The following PALS2 variants were observed in gnomAD, a reference collection of about 807,000 sequenced individuals.
The protein encoded by PALS2 is protein associated with LIN7 2, MAGUK p55 family member.
Under a neutral mutation model 61.6 loss-of-function variants are expected in PALS2, and 27 were observed. That is an observed-to-expected ratio of 0.44 (90% CI 0.32 to 0.60). PALS2 has a LOEUF of 0.60. Among genes scored for constraint, PALS2 ranks in the 20% least tolerant of loss-of-function variants. The pLI, the probability that PALS2 is intolerant of heterozygous loss-of-function variation, is 0.05. For synonymous variants in PALS2, 236 were observed against 218.6 expected, an observed-to-expected ratio of 1.08 and a Z score of -0.70; for missense variants, 554 against 639.4, an observed-to-expected ratio of 0.87 and a Z score of 1.44.
rs1374436881 is a variant in PALS2, at chr7:24,691,761, A to G, written c.*4147A>G. On this transcript the variant is annotated 3_prime_UTR_variant, in exon 12 of 12. Transcript: ENST00000222644. ...TTAAACTTTTGAATGAATCTTTAAT[A>G]TGATTCAGGCTGAGATTATGATACC... The G allele has an allele frequency of 6.6e-6, 1 of 152,064 alleles. No individual in the cohort carries two copies. Among genetic ancestry groups the G allele is most frequent in the African/African-American group, 2.4e-5 (1 of 41,444 alleles). 9.4% of individuals were successfully genotyped at this position (152,064 alleles called of 1,614,324 possible). A position where few individuals can be genotyped will look rare whatever the true frequency, so the allele number is the denominator to read the frequency against.
chr7:24,624,316 A>G (rs913492854), intron 2 of PALS2, among the ~76,000 whole-genome samples: 1 of 152,172 alleles, frequency 6.6e-6, no homozygotes, highest in African/African-American at 2.4e-5. Context: ...TAATTATTAT[A>G]TGCTAAAGCT....
chr7:24,678,073 A>G (rs1787717261), intron 9 of PALS2, among the ~76,000 whole-genome samples: 1 of 152,214 alleles, frequency 6.6e-6, no homozygotes, highest in African/African-American at 2.4e-5. Flanking sequence ...TAGAAACAGG[A>G]TACTTCTTAT....
At chr7:24,650,090 AAG>A (rs1786062350) in intron 4 of PALS2, among the ~76,000 whole-genome samples, 1 of 152,090 alleles carries the variant, frequency 6.6e-6, no homozygotes, top group South Asian at 2.1e-4. Flanking sequence ...AAAATATAAA[AAG>A]AAGTTGTTAT....
Position 24,665,638 on chromosome 7 carries a change from C to A in PALS2, c.834C>A (p.Phe278Leu), listed in dbSNP as rs1786976335. The A allele has an allele frequency of 1.2e-6, 2 of 1,613,592 alleles. No individual in the cohort carries two copies. Among genetic ancestry groups the A allele is most frequent in the Middle Eastern group, 1.6e-4 (1 of 6,076 alleles). The change falls in exon 7 of 12, where the codon TTC becomes TTA. Residue 278 changes from phenylalanine (F) to leucine (L), a missense_variant. Coordinates refer to ENST00000222644, the MANE Select transcript of PALS2 (RefSeq NM_001303037.2). ...GGSAGLIPSQFLEEKRKAFVR... is the reference protein window; with the variant it reads ...GGSAGLIPSQLLEEKRKAFVR... Reference sequence around the variant, plus strand: ...GCGCTGGTCTCATTCCAAGCCAGTTCCTGGAAGAGAAGAGAAAGGCATTTG... The same window carrying A: ...GCGCTGGTCTCATTCCAAGCCAGTTACTGGAAGAGAAGAGAAAGGCATTTG...
At chr7:24,617,606 T>C (rs1197590407) in intron 1 of PALS2, among the ~76,000 whole-genome samples, 1 of 152,128 alleles carries the variant, frequency 6.6e-6, no homozygotes, top group Admixed American at 6.5e-5. Context: ...GTAGTCTCTT[T>C]GCAGATTCTT....
At chr7:24,654,088 G>C (rs565879285) in intron 5 of PALS2, among the ~76,000 whole-genome samples, 34 of 152,104 alleles carry the variant, frequency 2.2e-4, no homozygotes, top group African/African-American at 7.7e-4. Flanking sequence ...ATGATAAAAT[G>C]TAAGTCTATA....
intron 5 of PALS2, among the ~76,000 whole-genome samples, chr7:24,662,811 C>T (rs115137813): frequency 0.048 from 6,023 of 126,062 alleles, 321 homozygotes; most frequent in African/African-American, 0.078. Flanking sequence ...GAAAGAAAGA[C>T]AGCAATTGGT....
rs1784171182 is a variant in PALS2, at chr7:24,613,106, A to G, written c.-2-10560A>G. 4.0e-5 allele frequency among the ~76,000 whole-genome samples: 6 copies of G among 151,596 alleles called. No homozygotes were observed. In the South Asian group the frequency reaches 1.2e-3, roughly 31 times the overall value. On this transcript the variant is annotated intron_variant, in intron 1 of 11. Transcript: ENST00000222644. ...TATTAAATTACATTATAATTTTTTA[A>G]CTAAGTTTTGAAGTCTATGTAGAAA...
In PALS2 at chr7:24,661,854, T is replaced by C. The variant is rs567545954; in HGVS notation, c.652-1736T>C. On this transcript the variant is annotated intron_variant, in intron 5 of 11. Transcript: ENST00000222644. ...ATATATTTTTAGAGTTTCATCAATA[T>C]GGAGAGGCATCCAGCACACATCCCA... Among the ~76,000 whole-genome samples, 149 of 152,348 alleles carry C rather than the reference T, an allele frequency of 9.8e-4. No homozygotes were observed. The Middle Eastern group carries it at 0.01, about 10-fold the overall frequency.
chr7:24,639,961 C>T lies in PALS2; in HGVS notation c.118-1755C>T, dbSNP rs528953731. Among the ~76,000 whole-genome samples the T allele has an allele frequency of 3.3e-5, 5 of 151,774 alleles. No individual in the cohort carries two copies. The South Asian group carries it at 6.2e-4, about 19-fold the overall frequency. The stretch of plus-strand genomic sequence containing the variant: ...CCTTCTGGGTAACTGGGATTACAGG[C>T]GTCCACCACCATGCCTGCCTAATTT... On this transcript the variant is annotated intron_variant, in intron 2 of 11. Transcript: ENST00000222644.
At chr7:24,660,433 T>A (rs75788222) in intron 5 of PALS2, among the ~76,000 whole-genome samples, 10,516 of 152,204 alleles carry the variant, frequency 0.069, 449 homozygotes, top group African/African-American at 0.11. Context: ...TCACCTCCTT[T>A]TTCATAGAAA....
chr7:24,608,037 A>G (rs905771295), intron 1 of PALS2, among the ~76,000 whole-genome samples: 10 of 152,158 alleles, frequency 6.6e-5, no homozygotes, highest in African/African-American at 2.4e-4. Context: ...TACCACATAC[A>G]TGTGTGTTTA....
intron 2 of PALS2, among the ~76,000 whole-genome samples, chr7:24,630,328 C>T (rs1008695681): frequency 6.6e-6 from 1 of 151,748 alleles, no homozygotes; most frequent in Admixed American, 6.6e-5. Flanking sequence ...CGATCCCTGT[C>T]GGGGGTTTGG....
chr7:24,610,506 C>G (rs1784076229), intron 1 of PALS2, among the ~76,000 whole-genome samples: 1 of 152,190 alleles, frequency 6.6e-6, no homozygotes, highest in African/African-American at 2.4e-5. Flanking sequence ...CAAAGTCCTA[C>G]TTTTCTTTGA....
intron 2 of PALS2, among the ~76,000 whole-genome samples, chr7:24,636,663 A>T (rs879868790): frequency 3.3e-5 from 5 of 152,216 alleles, no homozygotes; most frequent in Non-Finnish European, 5.9e-5. Context: ...AATATGTATC[A>T]ATTAGAAATA....
At chr7:24,611,977 A>G (rs1450440809) in intron 1 of PALS2, among the ~76,000 whole-genome samples, 1 of 152,012 alleles carries the variant, frequency 6.6e-6, no homozygotes, top group Non-Finnish European at 1.5e-5. Context: ...TTAGGGGGTG[A>G]TGGAAAGAAA....
intron 7 of PALS2, 25 bp downstream of exon 7, chr7:24,665,712 A>G (rs764433937): frequency 1.9e-6 from 3 of 1,588,880 alleles, no homozygotes; most frequent in Non-Finnish European, 2.6e-6. Context: ...ACAATAAGTA[A>G]CAAGCAGTCC....
Position 24,649,693 on chromosome 7 carries a change from A to G in PALS2, c.352A>G (p.Ile118Val), listed in dbSNP as rs142938712. 353 of 1,612,124 alleles carry G rather than the reference A, an allele frequency of 2.2e-4. No individual in the cohort carries two copies. The African/African-American group carries it at 4.2e-3, about 19-fold the overall frequency. Residue 118 changes from isoleucine (I) to valine (V), a missense_variant, in exon 4 of 12, where the codon ATC becomes GTC. Physicochemically the swap from Ile to Val is conservative, Grantham distance 29. Coordinates refer to ENST00000222644, the MANE Select transcript of PALS2 (RefSeq NM_001303037.2). ...PSSPEMNNSS[I>V]NNQLLPVDAI... Reference sequence around the variant, plus strand: ...AAGCCCAGAAATGAATAATTCTTCTATCAATAATCAGTTATTACCAGTAGA... The same window carrying G: ...AAGCCCAGAAATGAATAATTCTTCTGTCAATAATCAGTTATTACCAGTAGA...
In PALS2 at chr7:24,641,848, C is replaced by T; in HGVS notation, c.250C>T (p.Leu84Phe). 1 of 1,612,456 alleles carries T rather than the reference C, an allele frequency of 6.2e-7. No individual in the cohort carries two copies. The highest frequency in any genetic ancestry group is 8.5e-7 in the Non-Finnish European group (1 of 1,179,540). Residue 84 changes from leucine to phenylalanine, a missense_variant, in exon 3 of 12, where the codon CTC becomes TTC. Leu to Phe is a conservative substitution (Grantham distance 22). Transcript: ENST00000222644. ...DENVAELVGILKEPHFQSLLE... is the reference protein window; with the variant it reads ...DENVAELVGIFKEPHFQSLLE... ...AAATGTGGCAGAATTGGTTGGTATACTCAAAGAACCTCACTTCCAGGTAAC... is the reference window on the plus strand; with the variant it reads ...AAATGTGGCAGAATTGGTTGGTATATTCAAAGAACCTCACTTCCAGGTAAC...
Sources: allele counts gnomAD v4.1 joint callset (sites outside exome capture counted in the v4.1 genomes callset), GRCh38; gene constraint gnomAD v4.1.1; transcripts MANE v1.5; gene names NCBI Gene and HGNC (gene_info 2026-07-23, HGNC 2026-07-21).